C19orf67: variants seen among roughly 807,000 people sequenced by gnomAD.
C19orf67 encodes chromosome 19 open reading frame 67.
A neutral mutation model predicts 41.4 loss-of-function variants in C19orf67; 28 were observed. That is an observed-to-expected ratio of 0.68 (90% CI 0.50 to 0.93). C19orf67 has a LOEUF of 0.93. Ranked by LOEUF, C19orf67 falls within the 40% of genes least tolerant of loss-of-function variation. The pLI, the probability that C19orf67 is intolerant of heterozygous loss-of-function variation, is 0.00. For missense variants in C19orf67, 421 were observed against 467.0 expected, an observed-to-expected ratio of 0.90 and a Z score of 0.91; for synonymous variants, 242 against 203.4, an observed-to-expected ratio of 1.19 and a Z score of -1.62.
At chr19:14,085,161 C>CTA in intron 1 of C19orf67, 132 bp downstream of exon 1, 1 of 684,620 alleles carries the variant, frequency 1.5e-6, no homozygotes, top group East Asian at 2.7e-5. Flanking sequence ...TTCTAATATG[C>CTA]TAGCTTCTTC....
chr19:14,081,853 C>A lies in C19orf67; in HGVS notation c.1058G>T (p.Trp353Leu). Residue 353 changes from tryptophan to leucine, a missense_variant, in exon 6 of 6, where the codon TGG (tryptophan) becomes TTG (leucine). By Grantham distance (61) the Trp-to-Leu change is moderately conservative (BLOSUM62 -2). Transcript: ENST00000548523. ...CCAGGTTCAAGACCCCTGCGCTGCC[C>A]ACCCCGCAGGCCCGGCTGCGCTCGG... The part of the protein sequence containing the change: ...RPPSAAGPAG[W>L]AAQGS 1 of 1,532,590 alleles carries A rather than the reference C, an allele frequency of 6.5e-7. No homozygotes were observed. Among genetic ancestry groups the A allele is most frequent in the South Asian group, 1.2e-5 (1 of 83,854 alleles). The allele number at this position is 1,532,590 out of a possible 1,614,324, so 94.9% of individuals were successfully genotyped here.
At chr19:14,082,346 G>T in intron 5 of C19orf67, 123 bp downstream of exon 5, 1 of 1,144,796 alleles carries the variant, frequency 8.7e-7, no homozygotes, top group Non-Finnish European at 1.2e-6. Flanking sequence ...TGCTTTTCAG[G>T]GCACAATAAA....
rs1270389717 is a variant in C19orf67 at position 14,085,511 on chromosome 19, GGGCGTC to G, written c.111_116del (p.Thr38_Pro39del). The G allele has an allele frequency of 9.1e-6, 14 of 1,535,298 alleles. No individual in the cohort carries two copies. The highest frequency in any genetic ancestry group is 1.2e-5 in the Non-Finnish European group (14 of 1,146,740). On this transcript the variant is annotated inframe_deletion, in exon 1 of 6. Coordinates refer to ENST00000548523, the MANE Select transcript of C19orf67 (RefSeq NM_001277378.2). ...CAGATGGGTTCCCAGGCCTGCCAGG[GGGCGTC>G]GACCTGGAGGGGTCTCCGCAGGGCG... is the stretch of plus-strand genomic sequence containing the variant.
chr19:14,085,460 C>T lies in C19orf67; in HGVS notation c.168G>A (p.Gly56=). ...PSEPDPEDAE[G]RLAEARASTS... ...TGGAGGCCCGGGCCTCAGCCAGCCGCCCCTCGGCATCTTCAGGATCCGGCT... is the reference window on the plus strand; with the variant it reads ...TGGAGGCCCGGGCCTCAGCCAGCCGTCCCTCGGCATCTTCAGGATCCGGCT... The change falls in exon 1 of 6, where the codon GGG becomes GGA. Residue 56 remains glycine, a synonymous_variant. Transcript: ENST00000548523. 1 of 1,535,486 alleles carries T rather than the reference C, an allele frequency of 6.5e-7. No homozygotes were observed. Among genetic ancestry groups the T allele is most frequent in the Non-Finnish European group, 8.7e-7 (1 of 1,146,718 alleles).
Position 14,083,620 on chromosome 19 carries a change from G to C in C19orf67, c.481-15C>G, listed in dbSNP as rs536038600. On this transcript the variant is annotated splice_polypyrimidine_tract_variant and intron_variant, in intron 2 of 5. Transcript: ENST00000548523. Reference sequence around the variant, plus strand: ...ATCTCTAACAGCTGCATACAAGAGGGGGGTACAGTGAGATCAGCTGGCCTG... The same window carrying C: ...ATCTCTAACAGCTGCATACAAGAGGCGGGTACAGTGAGATCAGCTGGCCTG... 1.7e-5 allele frequency: 26 copies of C among 1,535,018 alleles called. No individual in the cohort carries two copies. Among genetic ancestry groups the C allele is most frequent in the Admixed American group, 1.2e-4 (6 of 50,944 alleles).
In C19orf67 at chr19:14,082,513, G is replaced by T. The variant is rs1279952464; in HGVS notation, c.858C>A (p.Gly286=). 7 of 1,536,230 alleles carry T rather than the reference G, an allele frequency of 4.6e-6. No homozygotes were observed. Among genetic ancestry groups the T allele is most frequent in the Non-Finnish European group, 6.1e-6 (7 of 1,146,900 alleles). ...CGGCTGGTCCTAGGGGCACCCATCG[G>T]CCGATGGACCACAGCTTCTGGATCT... ...CPQIQKLWSI[G]RWVPLGPAED... The change falls in exon 5 of 6, where the codon GGC becomes GGA. Residue 286 remains glycine, a synonymous_variant. Coordinates refer to ENST00000548523, the MANE Select transcript of C19orf67 (RefSeq NM_001277378.2).
intron 5 of C19orf67, 60 bp downstream of exon 5, chr19:14,082,409 G>T: frequency 1.4e-6 from 2 of 1,471,792 alleles, no homozygotes; most frequent in South Asian, 2.6e-5. Flanking sequence ...ATTGTCTTTG[G>T]TGGGGTTCTG....
rs1599320867 is a variant in C19orf67 at position 14,081,631 on chromosome 19, T to C, written c.*203A>G. ...GCGGACGCTGAGCCTGTGACCTCTT[T>C]CTTTCTTTTATTTAACACAAAACTG... On this transcript the variant is annotated 3_prime_UTR_variant, in exon 6 of 6. Transcript: ENST00000548523. The C allele has an allele frequency of 1.2e-5, 5 of 422,194 alleles. No homozygotes were observed. The highest frequency in any genetic ancestry group is 2.1e-5 in the Non-Finnish European group (5 of 240,688). The allele number at this position is 422,194 out of a possible 1,614,324, so 26.2% of individuals were successfully genotyped here.
chr19:14,084,225 C>A (rs1294118389), intron 1 of C19orf67, among the ~76,000 whole-genome samples: 2 of 151,866 alleles, frequency 1.3e-5, no homozygotes. Context: ...TAGCAAGAAC[C>A]CATCTCTACA....
chr19:14,083,944 A>G, intron 1 of C19orf67, 67 bp from the exon 2 acceptor site: 2 of 1,271,940 alleles, frequency 1.6e-6, no homozygotes, highest in Non-Finnish European at 2.0e-6. Context: ...AGTTTTCCCC[A>G]TTCTACTCAA....
At position 14,081,832 on chromosome 19, in the gene C19orf67, G is replaced by T; in HGVS notation, c.*2C>A. 2 of 1,528,188 alleles carry T rather than the reference G, an allele frequency of 1.3e-6. No individual in the cohort carries two copies. Among genetic ancestry groups the T allele is most frequent in the Non-Finnish European group, 1.7e-6 (2 of 1,143,254 alleles). The allele number at this position is 1,528,188 out of a possible 1,614,324, so 94.7% of individuals were successfully genotyped here. ...TTCCAGCTCCTACCCTCTTCCCCAGGTTCAAGACCCCTGCGCTGCCCACCC... is the reference window on the plus strand; with the variant it reads ...TTCCAGCTCCTACCCTCTTCCCCAGTTTCAAGACCCCTGCGCTGCCCACCC... On this transcript the variant is annotated 3_prime_UTR_variant, in exon 6 of 6. Transcript: ENST00000548523.
chr19:14,081,873 G>T lies in C19orf67; in HGVS notation c.1038C>A (p.Ser346Arg). The change falls in exon 6 of 6, where the codon AGC becomes AGA. Residue 346 changes from serine (S) to arginine (R), a missense_variant. Around this residue, in one of 3 missense-constraint regions of C19orf67, gnomAD observed 253 missense variants for 307.0 expected, o/e 0.82. Coordinates refer to ENST00000548523, the MANE Select transcript of C19orf67 (RefSeq NM_001277378.2). The stretch of plus-strand genomic sequence containing the variant: ...CTGCCCACCCCGCAGGCCCGGCTGC[G>T]CTCGGAGGCCGGGCCTGGCCTGCCT... ...TGQAGQARPP[S>R]AAGPAGWAAQ... is the part of the protein sequence containing the mutation. 5.2e-6 allele frequency: 8 copies of T among 1,533,220 alleles called. No individual in the cohort carries two copies. Among genetic ancestry groups the T allele is most frequent in the Non-Finnish European group, 7.0e-6 (8 of 1,145,374 alleles). The allele number at this position is 1,533,220 out of a possible 1,614,324, so 95.0% of individuals were successfully genotyped here. A position where few individuals can be genotyped will look rare whatever the true frequency, so the allele number is the denominator to read the frequency against.
chr19:14,081,691 G>T lies in C19orf67; in HGVS notation c.*143C>A. 1.6e-6 allele frequency: 1 copy of T among 616,998 alleles called. No homozygotes were observed. 38.2% of individuals were successfully genotyped at this position (616,998 alleles called of 1,614,324 possible). Reference sequence around the variant, plus strand: ...CATTCAGGGCCCCACGGCCAAGCCGGACTCGGTGCAGACAGGTCAGCTCGG... The same window carrying T: ...CATTCAGGGCCCCACGGCCAAGCCGTACTCGGTGCAGACAGGTCAGCTCGG... On this transcript the variant is annotated 3_prime_UTR_variant, in exon 6 of 6. Transcript: ENST00000548523.
At chr19:14,084,373 G>A (rs1976820271) in intron 1 of C19orf67, among the ~76,000 whole-genome samples, 1 of 151,382 alleles carries the variant, frequency 6.6e-6, no homozygotes, top group Admixed American at 6.6e-5. Context: ...TTGGGTGACA[G>A]AGCGAGACCC....
At chr19:14,084,232 T>C (rs1246798099) in intron 1 of C19orf67, among the ~76,000 whole-genome samples, 2 of 151,830 alleles carry the variant, frequency 1.3e-5, no homozygotes, top group Non-Finnish European at 2.9e-5. Context: ...AACCCATCTC[T>C]ACACAAAAAT....
chr19:14,082,270 G>T (rs1330232714), intron 5 of C19orf67, among the ~76,000 whole-genome samples, 199 bp downstream of exon 5: 2 of 152,174 alleles, frequency 1.3e-5, no homozygotes, highest in African/African-American at 2.4e-5. Context: ...TGAGCACCCT[G>T]TTTTCTTTGT....
rs567823212 is a variant in C19orf67, at chr19:14,082,413, G to A, written c.902+56C>T. 2.7e-5 allele frequency: 40 copies of A among 1,479,476 alleles called. 1 individual carries two copies. Among genetic ancestry groups the A allele is most frequent in the South Asian group, 2.3e-4 (18 of 77,572 alleles). The allele number at this position is 1,479,476 out of a possible 1,614,324, so 91.6% of individuals were successfully genotyped here. Reference sequence around the variant, plus strand: ...TGGGAAGGTGGATTGTCTTTGGTGGGGTTCTGCCTCCCCCTCCAGCTCCCA... The same window carrying A: ...TGGGAAGGTGGATTGTCTTTGGTGGAGTTCTGCCTCCCCCTCCAGCTCCCA... On this transcript the variant is annotated intron_variant, in intron 5 of 5. Coordinates refer to ENST00000548523, the MANE Select transcript of C19orf67 (RefSeq NM_001277378.2).
chr19:14,085,370 A>C lies in C19orf67; in HGVS notation c.258T>G (p.Thr86=). Residue 86 remains threonine (T), a synonymous_variant, in exon 1 of 6, where the codon ACT becomes ACG. Transcript: ENST00000548523. ...GCTGTTGGGTGATGGGGCTGAACAA[A>C]GTGTCCAGGGATAGGCGGGGAGGTG... ...GPAPPRLSLD[T]LFSPITQQLR... The C allele has an allele frequency of 6.5e-7, 1 of 1,536,162 alleles. No homozygotes were observed. The highest frequency in any genetic ancestry group is 8.7e-7 in the Non-Finnish European group (1 of 1,146,910).
Position 14,085,496 on chromosome 19 carries a change from C to T in C19orf67, c.132G>A (p.Gly44=), listed in dbSNP as rs563677108. The change falls in exon 1 of 6, where the codon GGG becomes GGA. Residue 44 remains glycine (G), a synonymous_variant. Transcript: ENST00000548523. The part of the protein sequence containing the change: ...PSRSTPPGRP[G]NPSEPDPEDA... ...CTTCAGGATCCGGCTCAGATGGGTTCCCAGGCCTGCCAGGGGGCGTCGACC... is the reference window on the plus strand; with the variant it reads ...CTTCAGGATCCGGCTCAGATGGGTTTCCAGGCCTGCCAGGGGGCGTCGACC... The T allele has an allele frequency of 3.3e-5, 51 of 1,535,308 alleles. No homozygotes were observed. The Admixed American group carries it at 9.8e-4, about 30-fold the overall frequency.
Sources: gnomAD v4.1 joint callset for allele counts (sites outside exome capture counted in the v4.1 genomes callset) on GRCh38, gnomAD v4.1.1 for gene constraint, gnomAD v4.1.1 regional missense constraint, MANE v1.5 for transcripts, NCBI Gene and HGNC (gene_info 2026-07-23, HGNC 2026-07-21) for gene names.